EIPR1: variants seen among roughly 807,000 people sequenced by gnomAD.
EIPR1 encodes EARP and GARP complex-interacting protein 1.
EIPR1 carries 25 observed loss-of-function variants against 48.1 expected under a neutral mutation model. The ratio of observed to expected loss-of-function variants is 0.52; its 90% confidence interval spans 0.38 to 0.73. The LOEUF (loss-of-function observed/expected upper bound fraction) is 0.73, where lower values mean the gene tolerates loss of function less well. Ranked by LOEUF, EIPR1 falls within the 30% of genes least tolerant of loss-of-function variation. The pLI is 0.00. For synonymous variants in EIPR1, 204 were observed against 201.9 expected (o/e 1.01, Z -0.09); for missense variants, 415 against 506.2 (o/e 0.82, Z 1.73).
intron 3 of EIPR1, among the ~76,000 whole-genome samples, chr2:3,292,858 GA>G (rs57175137): frequency 0.018 from 2,124 of 120,672 alleles, 44 homozygotes; most frequent in African/African-American, 0.06. Context: ...AAAATGTTTT[GA>G]AAAAAAAAAA....
intron 3 of EIPR1, among the ~76,000 whole-genome samples, chr2:3,329,712 C>CT (rs1669828397): frequency 6.6e-6 from 1 of 151,922 alleles, no homozygotes. Flanking sequence ...CCAGCCTGGG[C>CT]TCCCCTGCAT....
chr2:3,314,897 G>A (rs1299963480), intron 3 of EIPR1, among the ~76,000 whole-genome samples: 4 of 151,780 alleles, frequency 2.6e-5, no homozygotes, highest in Non-Finnish European at 5.9e-5. Flanking sequence ...TCACTCTCAG[G>A]ACCAGCAACA....
chr2:3,352,524 G>A (rs1670610392), intron 2 of EIPR1, among the ~76,000 whole-genome samples: 1 of 152,212 alleles, frequency 6.6e-6, no homozygotes, highest in Non-Finnish European at 1.5e-5. Flanking sequence ...GTCTGTTCCT[G>A]ACATCCAACC....
chr2:3,297,629 G>A (rs1277142183), intron 3 of EIPR1, among the ~76,000 whole-genome samples: 2 of 152,170 alleles, frequency 1.3e-5, no homozygotes, highest in Admixed American at 6.5e-5. Flanking sequence ...AATATTTTTG[G>A]CTTTGCAGGC....
At chr2:3,216,366 C>T (rs1244570325) in intron 4 of EIPR1, among the ~76,000 whole-genome samples, 4 of 152,126 alleles carry the variant, frequency 2.6e-5, no homozygotes, top group South Asian at 2.1e-4. Context: ...AAGGAGTATC[C>T]GTGTGGGCTA....
At chr2:3,342,411 G>A (rs1363022172) in intron 2 of EIPR1, among the ~76,000 whole-genome samples, 2 of 152,362 alleles carry the variant, frequency 1.3e-5, no homozygotes, top group East Asian at 3.9e-4. Flanking sequence ...ACTGAAAACA[G>A]GGATGCGCTT....
intron 1 of EIPR1, among the ~76,000 whole-genome samples, chr2:3,363,912 T>G (rs1572487279): frequency 6.6e-6 from 1 of 151,406 alleles, no homozygotes; most frequent in African/African-American, 2.4e-5. Context: ...TATGAAAACA[T>G]GCCCAACATC....
intron 3 of EIPR1, among the ~76,000 whole-genome samples, chr2:3,262,919 C>T (rs564669105): frequency 6.6e-6 from 1 of 152,298 alleles, no homozygotes; most frequent in African/African-American, 2.4e-5. Flanking sequence ...GCACACAGGA[C>T]AGAGTCAGGC....
rs756478121 is a variant in EIPR1, at chr2:3,199,038, C to T, written c.517-2021G>A. Among the ~76,000 whole-genome samples the T allele has an allele frequency of 9.9e-4, 113 of 113,988 alleles. 2 individuals are homozygous for T. The highest frequency in any genetic ancestry group is 2.9e-3 in the African/African-American group (89 of 31,184). The allele number at this position is 113,988 out of a possible 152,430, so 74.8% of individuals were successfully genotyped here. A position where few individuals can be genotyped will look rare whatever the true frequency, so the allele number is the denominator to read the frequency against. The stretch of plus-strand genomic sequence containing the variant: ...ATCTGCAACTGCATATGGCAGACAC[C>T]CCCAGAGTGGCCATTTTAGAGGGCC... On this transcript the variant is annotated intron_variant, in intron 5 of 8. Transcript: ENST00000382125.
At chr2:3,276,325 G>A (rs575873884) in intron 3 of EIPR1, among the ~76,000 whole-genome samples, 1 of 152,214 alleles carries the variant, frequency 6.6e-6, no homozygotes, top group African/African-American at 2.4e-5. Context: ...GACAGAGAAC[G>A]GATGATGTGG....
chr2:3,294,603 G>A (rs571201760), intron 3 of EIPR1, among the ~76,000 whole-genome samples: 1 of 98,480 alleles, frequency 1.0e-5, no homozygotes, highest in South Asian at 3.6e-4. Flanking sequence ...CCTCCATCCA[G>A]GCCATCCTCT....
At chr2:3,369,413 A>ATG (rs1572491773) in intron 1 of EIPR1, among the ~76,000 whole-genome samples, 1 of 152,012 alleles carries the variant, frequency 6.6e-6, no homozygotes. Context: ...AACCGTGCGC[A>ATG]AGCCGAAGCA....
At chr2:3,255,682 G>A (rs1216861414) in intron 4 of EIPR1, among the ~76,000 whole-genome samples, 1 of 152,178 alleles carries the variant, frequency 6.6e-6, no homozygotes, top group Non-Finnish European at 1.5e-5. Flanking sequence ...ACCTGTCTCT[G>A]CACATCCCAG....
At chr2:3,265,652 A>G (rs899139824) in intron 3 of EIPR1, among the ~76,000 whole-genome samples, 3 of 152,236 alleles carry the variant, frequency 2.0e-5, no homozygotes, top group African/African-American at 7.2e-5. Context: ...GCAGGGCTCA[A>G]GGCTGCCACA....
chr2:3,342,377 C>G (rs1365357999), intron 2 of EIPR1, among the ~76,000 whole-genome samples: 2 of 152,226 alleles, frequency 1.3e-5, no homozygotes, highest in Non-Finnish European at 2.9e-5. Flanking sequence ...TTCACATTTC[C>G]TACTTATCAG....
chr2:3,217,322 C>T (rs140651306), intron 4 of EIPR1, among the ~76,000 whole-genome samples: 11 of 152,240 alleles, frequency 7.2e-5, no homozygotes, highest in Admixed American at 1.3e-4. Context: ...TCTTAGTCAC[C>T]GCCAAGAATC....
Position 3,236,859 on chromosome 2 carries a change from C to A in EIPR1, c.416+20440G>T, listed in dbSNP as rs946352435. Reference sequence around the variant, plus strand: ...CTGACTCAGTATCTTGAGGTCTGCACGTGGCCTGAAAGCTCACAATTTTCA... The same window carrying A: ...CTGACTCAGTATCTTGAGGTCTGCAAGTGGCCTGAAAGCTCACAATTTTCA... On this transcript the variant is annotated intron_variant, in intron 4 of 8. Transcript: ENST00000382125. Among the ~76,000 whole-genome samples the A allele has an allele frequency of 3.3e-5, 5 of 152,156 alleles. No individual in the cohort carries two copies. The South Asian group carries it at 8.3e-4, about 25-fold the overall frequency.
At chr2:3,336,741 C>A (rs552905189) in intron 3 of EIPR1, among the ~76,000 whole-genome samples, 1 of 145,592 alleles carries the variant, frequency 6.9e-6, no homozygotes, top group African/African-American at 2.5e-5. Flanking sequence ...GCACTCCAGC[C>A]TGGGCGACAG....
intron 2 of EIPR1, among the ~76,000 whole-genome samples, chr2:3,339,540 C>G (rs1670167124): frequency 6.6e-6 from 1 of 152,156 alleles, no homozygotes. Context: ...GGACGTGAGG[C>G]CTGGCGGGAG....
Sources: allele counts gnomAD v4.1 joint callset (sites outside exome capture counted in the v4.1 genomes callset), GRCh38; gene constraint gnomAD v4.1.1; transcripts MANE v1.5; gene names NCBI Gene and HGNC (gene_info 2026-07-23, HGNC 2026-07-21).